The following GRIN2D variants were observed in gnomAD, a reference collection of about 807,000 sequenced individuals.
The protein encoded by GRIN2D is glutamate ionotropic receptor NMDA type subunit 2D.
In GRIN2D, 37 loss-of-function variants were observed where a neutral mutation model predicts 103.2. That is an observed-to-expected ratio of 0.36 (90% CI 0.28 to 0.47). The LOEUF (loss-of-function observed/expected upper bound fraction) is 0.47. Ranked by LOEUF, GRIN2D falls within the 20% of genes least tolerant of loss-of-function variation. The probability of loss-of-function intolerance (pLI) is 1.00; values close to 1 mark genes in which losing one functional copy is unlikely to be tolerated. For synonymous variants in GRIN2D, 845 were observed against 885.6 expected (o/e 0.95, Z 0.81); for missense variants, 1,557 against 1,910.6 (o/e 0.81, Z 3.45).
chr19:48,443,467 C>T lies in GRIN2D; in HGVS notation c.3541C>T (p.Arg1181Trp), dbSNP rs1971334407. Residue 1181 changes from arginine to tryptophan, a missense_variant, in exon 14 of 14, where the codon CGG (arginine) becomes TGG (tryptophan). Transcript: ENST00000263269. The surrounding 1 kb of genome is among the most constrained non-coding windows in gnomAD (Gnocchi z 8.9). ...CAGCGGTCCGGCCGCCTGGCACTGT[C>T]GGCACTGCGCCAGCCTGGAGCTGCT... ...PRSGPAAWHC[R>W]HCASLELLPP... is the part of the protein sequence containing the mutation. 2.2e-6 allele frequency: 3 copies of T among 1,381,890 alleles called. No individual in the cohort carries two copies. The highest frequency in any genetic ancestry group is 2.8e-6 in the Non-Finnish European group (3 of 1,070,656). 85.6% of individuals were successfully genotyped at this position (1,381,890 alleles called of 1,614,324 possible).
intron 11 of GRIN2D, among the ~76,000 whole-genome samples, chr19:48,432,571 T>G (rs886968673): frequency 1.3e-5 from 2 of 151,664 alleles, no homozygotes; most frequent in Non-Finnish European, 2.9e-5. Flanking sequence ...CTTGACATCC[T>G]GGGCTCAAGC....
rs1459290952 is a variant in GRIN2D at position 48,443,170 on chromosome 19, A to G, written c.3244A>G (p.Thr1082Ala). 40 of 1,020,874 alleles carry G rather than the reference A, an allele frequency of 3.9e-5. 1 individual carries two copies. In the Middle Eastern group the frequency reaches 1.8e-3, roughly 47 times the overall value. The allele number at this position is 1,020,874 out of a possible 1,614,324, so 63.2% of individuals were successfully genotyped here. ...LGPGAGGAGG[T>A]GGAGGGAPAA... Reference sequence around the variant, plus strand: ...GCCAGGCGCGGGCGGCGCGGGGGGCACGGGGGGCGCAGGCGGAGGAGCCCC... The same window carrying G: ...GCCAGGCGCGGGCGGCGCGGGGGGCGCGGGGGGCGCAGGCGGAGGAGCCCC... Residue 1082 changes from threonine (T) to alanine (A), a missense_variant, in exon 14 of 14, where the codon ACG becomes GCG. Thr to Ala is a moderately conservative substitution (Grantham distance 58). This residue lies in a region of GRIN2D where 632 missense variants were observed against 572.8 expected (regional missense o/e 1.10). Coordinates refer to ENST00000263269, the MANE Select transcript of GRIN2D (RefSeq NM_000836.4). The surrounding 1 kb of genome is among the most constrained non-coding windows in gnomAD (Gnocchi z 8.9).
intron 11 of GRIN2D, among the ~76,000 whole-genome samples, chr19:48,429,680 T>C (rs1971132931): frequency 6.6e-6 from 1 of 151,954 alleles, no homozygotes; most frequent in Admixed American, 6.6e-5. Context: ...ATTACAGGCA[T>C]GAGCCACCGG....
At chr19:48,411,082 C>T (rs555097002) in intron 4 of GRIN2D, among the ~76,000 whole-genome samples, 1 of 152,084 alleles carries the variant, frequency 6.6e-6, no homozygotes, top group African/African-American at 2.4e-5. Context: ...GCGGCTCGTG[C>T]CAGTAATCCC....
intron 7 of GRIN2D, among the ~76,000 whole-genome samples, chr19:48,415,781 G>A (rs1182395178): frequency 6.6e-6 from 1 of 152,018 alleles, no homozygotes; most frequent in South Asian, 2.1e-4. Flanking sequence ...CAGCCGGGTA[G>A]GACGCGGGCT....
chr19:48,424,265 A>ATTT (rs569050730), intron 11 of GRIN2D, among the ~76,000 whole-genome samples: 36 of 101,336 alleles, frequency 3.6e-4, no homozygotes, highest in African/African-American at 5.1e-4. Context: ...AAAAAAAAAA[A>ATTT]TTTTTTTTTT....
At chr19:48,408,972 T>C (rs1033073400) in intron 4 of GRIN2D, among the ~76,000 whole-genome samples, 2 of 152,124 alleles carry the variant, frequency 1.3e-5, no homozygotes, top group Non-Finnish European at 2.9e-5. Flanking sequence ...TATGACAGAA[T>C]ATCATAGGCT....
intron 11 of GRIN2D, among the ~76,000 whole-genome samples, chr19:48,438,337 C>T (rs1201878316): frequency 1.5e-5 from 2 of 130,124 alleles, no homozygotes; most frequent in East Asian, 2.5e-4. Flanking sequence ...CTTGCTCTGT[C>T]GCCCAGGCTG....
intron 11 of GRIN2D, among the ~76,000 whole-genome samples, chr19:48,424,841 C>A (rs1971068731): frequency 6.6e-6 from 1 of 152,070 alleles, no homozygotes; most frequent in South Asian, 2.1e-4. Flanking sequence ...ACATAATGAA[C>A]AGAAAATATA....
At chr19:48,419,150 A>G in intron 8 of GRIN2D, 84 bp from the exon 9 acceptor site, 2 of 1,311,472 alleles carry the variant, frequency 1.5e-6, no homozygotes, top group Non-Finnish European at 2.1e-6. Context: ...AAGTTCTGGG[A>G]GTACAGGCGT....
intron 3 of GRIN2D, among the ~76,000 whole-genome samples, chr19:48,401,827 G>A (rs1243854657): frequency 3.3e-5 from 5 of 152,224 alleles, no homozygotes; most frequent in South Asian, 4.1e-4. Flanking sequence ...TAGGCTGGGC[G>A]CAGTGGCTCA....
chr19:48,418,287 C>T (rs982005759), intron 8 of GRIN2D, among the ~76,000 whole-genome samples: 1 of 152,126 alleles, frequency 6.6e-6, no homozygotes, highest in Non-Finnish European at 1.5e-5. Flanking sequence ...CCCACCTCGG[C>T]CTCCCAAAGT....
chr19:48,415,065 G>C, intron 7 of GRIN2D, 33 bp downstream of exon 7: 1 of 1,547,050 alleles, frequency 6.5e-7, no homozygotes, highest in African/African-American at 1.4e-5. Context: ...GGGAATCTTC[G>C]GGGCGGAGTC....
At chr19:48,402,964 C>T (rs974820828) in intron 3 of GRIN2D, among the ~76,000 whole-genome samples, 3 of 151,754 alleles carry the variant, frequency 2.0e-5, no homozygotes, top group Admixed American at 6.6e-5. Context: ...TTTGGGAAGC[C>T]GAGGCAGGCA....
intron 10 of GRIN2D, among the ~76,000 whole-genome samples, chr19:48,420,060 T>A (rs1016551030): frequency 3.3e-5 from 5 of 151,992 alleles, no homozygotes; most frequent in African/African-American, 1.2e-4. Flanking sequence ...TCCCTGAATG[T>A]TCTAGGGGCA....
At chr19:48,438,287 CTTTTTTTTTTTTTTT>C (rs71181697) in intron 11 of GRIN2D, among the ~76,000 whole-genome samples, 3 of 57,726 alleles carry the variant, frequency 5.2e-5, no homozygotes, top group Admixed American at 2.8e-4. Flanking sequence ...ATCCAGCCGC[CTTTTTTTTTTTTTTT>C]TTTTTTTTTT....
chr19:48,425,005 G>T (rs1971070752), intron 11 of GRIN2D, among the ~76,000 whole-genome samples: 1 of 150,920 alleles, frequency 6.6e-6, no homozygotes. Context: ...AGGACCCTGA[G>T]AATTCCAGAT....
In GRIN2D at chr19:48,442,427, G is replaced by A. The variant is rs1422064463; in HGVS notation, c.2673+45G>A. ...GCAGAGAGGGGGAGATGGCAGGGGCGGGGACAAAGGTAAAGCCGAGCAGAG... is the reference window on the plus strand; with the variant it reads ...GCAGAGAGGGGGAGATGGCAGGGGCAGGGACAAAGGTAAAGCCGAGCAGAG... On this transcript the variant is annotated intron_variant, in intron 13 of 13. Transcript: ENST00000263269. The surrounding 1 kb of genome is among the most constrained non-coding windows in gnomAD (Gnocchi z 7.2). 1 of 1,572,448 alleles carries A rather than the reference G, an allele frequency of 6.4e-7. No homozygotes were observed. The highest frequency in any genetic ancestry group is 8.7e-7 in the Non-Finnish European group (1 of 1,154,188).
intron 11 of GRIN2D, among the ~76,000 whole-genome samples, chr19:48,435,365 C>T (rs1298503385): frequency 2.0e-5 from 3 of 146,428 alleles, no homozygotes; most frequent in Non-Finnish European, 4.5e-5. Flanking sequence ...TCTCAGCTCA[C>T]TGCAACGTCC....
Sources: gnomAD v4.1 joint callset for allele counts (sites outside exome capture counted in the v4.1 genomes callset) on GRCh38, gnomAD v4.1.1 for gene constraint, gnomAD v4.1.1 regional missense constraint, Gnocchi (gnomAD v3.1) non-coding constraint, MANE v1.5 for transcripts, NCBI Gene and HGNC (gene_info 2026-07-23, HGNC 2026-07-21) for gene names.